Variants in GALNT10 observed in about 807,000 individuals in gnomAD.
GALNT10 encodes the protein GalNAc transferase 10.
Under a neutral mutation model 75.0 loss-of-function variants are expected in GALNT10, and 41 were observed. The ratio of observed to expected loss-of-function variants is 0.55; its 90% confidence interval spans 0.43 to 0.71. GALNT10 has a LOEUF of 0.71. Ranked by LOEUF, GALNT10 falls within the 30% of genes least tolerant of loss-of-function variation. GALNT10 has a pLI of 0.00. For synonymous variants in GALNT10, 302 were observed against 313.0 expected (o/e 0.96, Z 0.37); for missense variants, 727 against 818.5 (o/e 0.89, Z 1.36).
At chr5:154,321,733 G>GA (rs1754677824) in intron 3 of GALNT10, among the ~76,000 whole-genome samples, 1 of 152,138 alleles carries the variant, frequency 6.6e-6, no homozygotes, top group African/African-American at 2.4e-5. Context: ...ATGAGGGAAT[G>GA]AAACAGCTGA....
chr5:154,205,347 G>T (rs937095517), intron 1 of GALNT10, among the ~76,000 whole-genome samples: 2 of 152,172 alleles, frequency 1.3e-5, no homozygotes, highest in African/African-American at 4.8e-5. Context: ...TTTAGAATAT[G>T]AAGTAAGTAG....
rs114240169 is a variant in GALNT10 at position 154,358,951 on chromosome 5, T to C, written c.569-17326T>C. Among the ~76,000 whole-genome samples, 750 of 152,304 alleles carry C rather than the reference T, an allele frequency of 4.9e-3. 4 individuals carry two copies. The highest frequency in any genetic ancestry group is 7.8e-3 in the Non-Finnish European group (532 of 68,016). On this transcript the variant is annotated intron_variant, in intron 4 of 11. Coordinates refer to ENST00000297107, the MANE Select transcript of GALNT10 (RefSeq NM_198321.4). ...ATTGAATATGCCTTCGTCAGAGTGTTGTATTATTTTTTCCCCTGTTTTCTG... is the reference window on the plus strand; with the variant it reads ...ATTGAATATGCCTTCGTCAGAGTGTCGTATTATTTTTTCCCCTGTTTTCTG...
intron 3 of GALNT10, among the ~76,000 whole-genome samples, chr5:154,317,405 T>A (rs1400477268): frequency 6.6e-6 from 1 of 152,208 alleles, no homozygotes; most frequent in Non-Finnish European, 1.5e-5. Flanking sequence ...TCTTAGTATA[T>A]TATATATGTC....
intron 1 of GALNT10, among the ~76,000 whole-genome samples, chr5:154,256,353 GTT>G (rs1004089623): frequency 2.6e-4 from 5 of 18,918 alleles, no homozygotes; most frequent in Non-Finnish European, 5.1e-4. Flanking sequence ...TGTTGTTTTT[GTT>G]TTTTTTTTTT....
chr5:154,245,513 T>C (rs1378261565), intron 1 of GALNT10, among the ~76,000 whole-genome samples: 6 of 150,400 alleles, frequency 4.0e-5, no homozygotes, highest in Non-Finnish European at 8.9e-5. Flanking sequence ...GAATGAGTCA[T>C]ATAGCTGGGA....
intron 7 of GALNT10, among the ~76,000 whole-genome samples, chr5:154,397,890 C>T (rs755178908): frequency 3.9e-5 from 6 of 152,202 alleles, no homozygotes; most frequent in Admixed American, 6.5e-5. Context: ...CCTTCCACTG[C>T]GCCCTTCTTT....
chr5:154,211,734 A>G (rs574202717), intron 1 of GALNT10, among the ~76,000 whole-genome samples: 1 of 152,184 alleles, frequency 6.6e-6, no homozygotes, highest in Non-Finnish European at 1.5e-5. Flanking sequence ...CGGTTAATCT[A>G]CTTCCAAGAT....
Position 154,416,017 on chromosome 5 carries a change from C to T in GALNT10, c.1653+85C>T. On this transcript the variant is annotated intron_variant, in intron 11 of 11. Coordinates refer to ENST00000297107, the MANE Select transcript of GALNT10 (RefSeq NM_198321.4). This position sits in a 1 kb window ranked among gnomAD's most constrained non-coding sequence, Gnocchi z 4.5. ...TGCTTCACCCCTTCTTTCAACAGAGCCCATCCACTTATTCATTTGTGCCAC... is the reference window on the plus strand; with the variant it reads ...TGCTTCACCCCTTCTTTCAACAGAGTCCATCCACTTATTCATTTGTGCCAC... 8.1e-7 allele frequency: 1 copy of T among 1,238,008 alleles called. No homozygotes were observed. Among genetic ancestry groups the T allele is most frequent in the South Asian group, 1.4e-5 (1 of 71,864 alleles). The allele number at this position is 1,238,008 out of a possible 1,614,324, so 76.7% of individuals were successfully genotyped here. A position where few individuals can be genotyped will look rare whatever the true frequency, so the allele number is the denominator to read the frequency against.
chr5:154,239,867 T>C (rs923658663), intron 1 of GALNT10, among the ~76,000 whole-genome samples: 5 of 152,358 alleles, frequency 3.3e-5, no homozygotes, highest in Non-Finnish European at 7.3e-5. Context: ...TGCTCATAGA[T>C]TGATATCCAT....
chr5:154,401,171 G>A (rs2113208037), intron 7 of GALNT10, among the ~76,000 whole-genome samples: 1 of 152,304 alleles, frequency 6.6e-6, no homozygotes, highest in Non-Finnish European at 1.5e-5. Flanking sequence ...AGAAACCAGA[G>A]GTCACAGCAA....
intron 1 of GALNT10, chr5:154,217,888 G>A: frequency 7.0e-6 from 3 of 430,498 alleles, no homozygotes; most frequent in Non-Finnish European, 9.3e-6. Flanking sequence ...TAATTTTTTG[G>A]TGTTTGGAGA....
chr5:154,272,721 T>C (rs867479953), intron 1 of GALNT10, among the ~76,000 whole-genome samples: 12 of 152,182 alleles, frequency 7.9e-5, no homozygotes, highest in Non-Finnish European at 1.8e-4. Context: ...CCCTCTAGGC[T>C]TGTGGTGAAG....
chr5:154,249,613 T>G (rs934585400), intron 1 of GALNT10, among the ~76,000 whole-genome samples: 8 of 152,068 alleles, frequency 5.3e-5, no homozygotes, highest in Admixed American at 1.3e-4. Flanking sequence ...GATGGGTCCA[T>G]GGAGGAGTCC....
At chr5:154,297,118 G>A (rs1295192849) in intron 2 of GALNT10, among the ~76,000 whole-genome samples, 2 of 152,112 alleles carry the variant, frequency 1.3e-5, no homozygotes, top group Non-Finnish European at 2.9e-5. Context: ...TATTGCAGGG[G>A]TCGATGTGGA....
intron 4 of GALNT10, among the ~76,000 whole-genome samples, chr5:154,374,578 C>T (rs79659623): frequency 9.9e-4 from 151 of 152,322 alleles, no homozygotes; most frequent in African/African-American, 3.5e-3. Context: ...AGCCTCAACC[C>T]GGTTCAAGCG....
chr5:154,300,994 C>T (rs1457074724), intron 3 of GALNT10, among the ~76,000 whole-genome samples: 4 of 152,182 alleles, frequency 2.6e-5, no homozygotes, highest in Non-Finnish European at 5.9e-5. Flanking sequence ...AGCACATGTT[C>T]TCTGGCTTAG....
At chr5:154,306,758 GA>G (rs1484167557) in intron 3 of GALNT10, among the ~76,000 whole-genome samples, 1 of 151,846 alleles carries the variant, frequency 6.6e-6, no homozygotes. Context: ...AAACTTAGGA[GA>G]AATTTAAAAA....
intron 1 of GALNT10, among the ~76,000 whole-genome samples, chr5:154,194,253 T>G (rs989927002): frequency 6.6e-6 from 1 of 152,240 alleles, no homozygotes; most frequent in African/African-American, 2.4e-5. Flanking sequence ...TCTTTCTCAT[T>G]GTGTTAGAGC....
intron 1 of GALNT10, chr5:154,220,110 C>G (rs1752956747): frequency 6.6e-6 from 1 of 152,178 alleles, no homozygotes; most frequent in South Asian, 2.1e-4. Flanking sequence ...ATTACTTTCA[C>G]TCCAAGACGT....
Sources: allele counts gnomAD v4.1 joint callset (sites outside exome capture counted in the v4.1 genomes callset), GRCh38; gene constraint gnomAD v4.1.1; non-coding constraint Gnocchi (gnomAD v3.1); transcripts MANE v1.5; gene names NCBI Gene and HGNC (gene_info 2026-07-23, HGNC 2026-07-21).